PTPRD: variants seen among roughly 807,000 people sequenced by gnomAD.
PTPRD encodes protein tyrosine phosphatase receptor type D.
Under a neutral mutation model 214.5 loss-of-function variants are expected in PTPRD, and 34 were observed. The observed-to-expected ratio is 0.16, with a 90% CI of 0.12 to 0.21. The LOEUF (loss-of-function observed/expected upper bound fraction) is 0.21. PTPRD is among the 10% of genes least tolerant of loss of function. The probability of loss-of-function intolerance (pLI) is 1.00; values close to 1 mark genes in which losing one functional copy is unlikely to be tolerated. For synonymous variants in PTPRD, 1,128 were observed against 845.7 expected, an observed-to-expected ratio of 1.33 and a Z score of -5.79; for missense variants, 2,545 against 2,398.7, an observed-to-expected ratio of 1.06 and a Z score of -1.27.
chr9:9,587,763 A>G (rs1299022996), intron 7 of PTPRD, among the ~76,000 whole-genome samples: 1 of 152,106 alleles, frequency 6.6e-6, no homozygotes, highest in East Asian at 1.9e-4. Flanking sequence ...ACAGAAAGAC[A>G]AATACTGCAT....
At chr9:10,143,671 G>T (rs1031223314) in intron 3 of PTPRD, among the ~76,000 whole-genome samples, 1 of 152,062 alleles carries the variant, frequency 6.6e-6, no homozygotes, top group Non-Finnish European at 1.5e-5. Context: ...TCCATCAACA[G>T]TGGGTTGCAT....
chr9:10,452,106 A>C (rs2130873029), intron 2 of PTPRD, among the ~76,000 whole-genome samples: 1 of 152,104 alleles, frequency 6.6e-6, no homozygotes, highest in South Asian at 2.1e-4. Context: ...GAGCAATTCC[A>C]AATTGTTTTG....
intron 25 of PTPRD, among the ~76,000 whole-genome samples, chr9:8,497,575 T>C (rs780223458): frequency 4.6e-5 from 7 of 152,210 alleles, no homozygotes; most frequent in Admixed American, 6.5e-5. Flanking sequence ...CTCGTATTTA[T>C]TTTGACTTCT....
chr9:8,456,714 A>T (rs1004094447), intron 33 of PTPRD, among the ~76,000 whole-genome samples: 2 of 152,146 alleles, frequency 1.3e-5, no homozygotes, highest in African/African-American at 4.8e-5. Flanking sequence ...CCTACATTTC[A>T]GTCTCATCTA....
At chr9:9,207,784 G>A (rs1454928679) in intron 9 of PTPRD, among the ~76,000 whole-genome samples, 1 of 152,026 alleles carries the variant, frequency 6.6e-6, no homozygotes, top group Non-Finnish European at 1.5e-5. Context: ...ATTTGTCATA[G>A]TAAAAGAGTT....
chr9:8,486,537 A>T (rs1356309381), intron 27 of PTPRD, 188 bp from the exon 28 acceptor site: 1 of 710,430 alleles, frequency 1.4e-6, no homozygotes, highest in Non-Finnish European at 2.6e-6. Flanking sequence ...TTATTAAAGT[A>T]GGCTGAGATA....
chr9:8,860,233 A>G (rs1242448736), intron 11 of PTPRD: 1 of 152,260 alleles, frequency 6.6e-6, no homozygotes, highest in African/African-American at 2.4e-5. Context: ...TCATTTAAGA[A>G]GAACCCAGCT....
At chr9:9,395,528 C>T (rs535505145) in intron 9 of PTPRD, among the ~76,000 whole-genome samples, 25 of 152,200 alleles carry the variant, frequency 1.6e-4, no homozygotes, top group Middle Eastern at 3.4e-3. Context: ...GAAACTTCTA[C>T]TTCCATGGCC....
rs200703886 is a variant in PTPRD, at chr9:8,521,355, T to C, written c.883A>G (p.Arg295Gly). The C allele has an allele frequency of 1.2e-6, 2 of 1,613,980 alleles. No homozygotes were observed. Among genetic ancestry groups the C allele is most frequent in the Non-Finnish European group, 1.7e-6 (2 of 1,179,920 alleles). The change falls in exon 20 of 46, where the codon AGA becomes GGA. Residue 295 changes from arginine (R) to glycine (G), a missense_variant. Coordinates refer to ENST00000381196, the MANE Select transcript of PTPRD (RefSeq NM_002839.4). ...GRNVLELNDV[R>G]QSANYTCVAM... ...ACACAGGTGTAATTTGCTGACTGTC[T>C]TACATCATTCAGTTCTAGCACATTT...
chr9:8,772,194 G>A (rs2095257884), intron 11 of PTPRD, among the ~76,000 whole-genome samples: 1 of 151,796 alleles, frequency 6.6e-6, no homozygotes, highest in Non-Finnish European at 1.5e-5. Flanking sequence ...TTTAAATTCT[G>A]CTTATTTTTA....
chr9:9,941,952 G>T (rs1336374577), intron 4 of PTPRD, among the ~76,000 whole-genome samples: 1 of 152,028 alleles, frequency 6.6e-6, no homozygotes, highest in Non-Finnish European at 1.5e-5. Context: ...TTAAAATAAA[G>T]AGTTGAATCT....
intron 4 of PTPRD, among the ~76,000 whole-genome samples, chr9:10,023,176 G>A (rs896367506): frequency 1.3e-5 from 2 of 152,138 alleles, no homozygotes. Flanking sequence ...GTACACGTGT[G>A]TATATACATA....
At chr9:10,054,132 C>A (rs371979006) in intron 3 of PTPRD, among the ~76,000 whole-genome samples, 14 of 152,216 alleles carry the variant, frequency 9.2e-5, no homozygotes, top group African/African-American at 3.1e-4. Flanking sequence ...CACCTGTCTA[C>A]TCTATTTAAA....
At chr9:9,210,693 T>G (rs1208682580) in intron 9 of PTPRD, among the ~76,000 whole-genome samples, 1 of 152,108 alleles carries the variant, frequency 6.6e-6, no homozygotes, top group East Asian at 1.9e-4. Flanking sequence ...CACATACATG[T>G]GCCACATGTA....
At position 10,526,391 on chromosome 9, in the gene PTPRD, A is replaced by T. The variant is rs192797566; in HGVS notation, c.-600+86007T>A. Among the ~76,000 whole-genome samples the T allele has an allele frequency of 5.9e-5, 9 of 152,258 alleles. No homozygotes were observed. The East Asian group carries it at 1.5e-3, about 26-fold the overall frequency. ...TTTTTAAGTATAATAATTATTTCTA[A>T]ATAAACATGTTATAATTACTGAAAA... is the stretch of plus-strand genomic sequence containing the variant. On this transcript the variant is annotated intron_variant, in intron 2 of 45. Coordinates refer to ENST00000381196, the MANE Select transcript of PTPRD (RefSeq NM_002839.4).
chr9:10,515,278 A>T (rs527651804), intron 2 of PTPRD, among the ~76,000 whole-genome samples: 2 of 152,092 alleles, frequency 1.3e-5, no homozygotes, highest in South Asian at 4.1e-4. Context: ...AAAGAAGAGA[A>T]ATATAAATTT....
intron 5 of PTPRD, among the ~76,000 whole-genome samples, chr9:9,821,129 T>C (rs2153573061): frequency 6.6e-6 from 1 of 152,292 alleles, no homozygotes; most frequent in African/African-American, 2.4e-5. Context: ...TTCCCATTTG[T>C]GTCATCTATG....
At chr9:9,931,234 G>A (rs1029968861) in intron 5 of PTPRD, among the ~76,000 whole-genome samples, 12 of 152,146 alleles carry the variant, frequency 7.9e-5, no homozygotes, top group African/African-American at 1.2e-4. Context: ...CAAGATGGCC[G>A]AATAGGAACA....
chr9:9,565,493 G>C (rs938160627), intron 8 of PTPRD, among the ~76,000 whole-genome samples: 1 of 151,844 alleles, frequency 6.6e-6, no homozygotes, highest in Non-Finnish European at 1.5e-5. Flanking sequence ...TCTGAATGCA[G>C]AATGATGATG....
Sources: gnomAD v4.1 joint callset for allele counts (sites outside exome capture counted in the v4.1 genomes callset) on GRCh38, gnomAD v4.1.1 for gene constraint, MANE v1.5 for transcripts, NCBI Gene and HGNC (gene_info 2026-07-23, HGNC 2026-07-21) for gene names.